EMX1: variants seen among roughly 807,000 people sequenced by gnomAD.
The protein encoded by EMX1 is empty spiracles homeobox 1.
A neutral mutation model predicts 20.1 loss-of-function variants in EMX1; 10 were observed. The ratio of observed to expected loss-of-function variants is 0.50; its 90% confidence interval spans 0.31 to 0.84. EMX1 has a LOEUF of 0.84. Among genes scored for constraint, EMX1 ranks in the 40% least tolerant of loss-of-function variants. The probability of loss-of-function intolerance (pLI) is 0.05; values close to 1 mark genes in which losing one functional copy is unlikely to be tolerated. For missense variants in EMX1, 424 were observed against 431.9 expected (o/e 0.98, Z 0.16); for synonymous variants, 250 against 200.4 (o/e 1.25, Z -2.09).
chr2:72,916,490 G>A, upstream of EMX1: 2 of 593,844 alleles, frequency 3.4e-6, no homozygotes, highest in East Asian at 2.8e-5. Flanking sequence ...GGCCTCGAAG[G>A]TGGGGTGGGA....
chr2:72,928,099 T>C (rs1293850707), intron 2 of EMX1, among the ~76,000 whole-genome samples: 1 of 152,208 alleles, frequency 6.6e-6, no homozygotes, highest in African/African-American at 2.4e-5. Context: ...TGGGTGACTC[T>C]GTGTGTTTAG....
Position 72,924,150 on chromosome 2 carries a change from G to T in EMX1, c.521-159G>T, listed in dbSNP as rs192579903. The T allele has an allele frequency of 1.2e-3, 1,118 of 916,742 alleles. 7 individuals carry two copies. The highest frequency in any genetic ancestry group is 7.4e-3 in the African/African-American group (456 of 61,274). 56.8% of individuals were successfully genotyped at this position (916,742 alleles called of 1,614,324 possible). ...TGGACTTAGGGAAGGGGCGGCAAAA[G>T]GGCAAAGGGAGAAATGGCGTGTGTG... On this transcript the variant is annotated intron_variant, in intron 1 of 2. Coordinates refer to ENST00000258106, the MANE Select transcript of EMX1 (RefSeq NM_004097.3).
upstream of EMX1, chr2:72,916,772 C>A (rs1670971325): frequency 2.8e-6 from 2 of 717,282 alleles, no homozygotes; most frequent in Non-Finnish European, 5.2e-6. Flanking sequence ...CTTGAGCCCC[C>A]AGAGCCTCAG....
chr2:72,934,181 G>A lies in EMX1; in HGVS notation c.*227G>A. Reference sequence around the variant, plus strand: ...TTCTCCTCGGAGAGCCTGCCTGCCTGGGCGGGCCCGCCCGCCACCGCAGCC... The same window carrying A: ...TTCTCCTCGGAGAGCCTGCCTGCCTAGGCGGGCCCGCCCGCCACCGCAGCC... On this transcript the variant is annotated 3_prime_UTR_variant, in exon 3 of 3. Coordinates refer to ENST00000258106, the MANE Select transcript of EMX1 (RefSeq NM_004097.3). The A allele has an allele frequency of 1.7e-6, 1 of 580,536 alleles. No individual in the cohort carries two copies. Among genetic ancestry groups the A allele is most frequent in the Non-Finnish European group, 2.9e-6 (1 of 344,818 alleles). The allele number at this position is 580,536 out of a possible 1,614,324, so 36.0% of individuals were successfully genotyped here.
chr2:72,921,410 C>T (rs1472546695), intron 1 of EMX1, among the ~76,000 whole-genome samples: 2 of 152,148 alleles, frequency 1.3e-5, no homozygotes, highest in African/African-American at 4.8e-5. Flanking sequence ...TTTGTTCTGC[C>T]CTTGTGGTCC....
chr2:72,924,880 C>T (rs979955096), intron 2 of EMX1, among the ~76,000 whole-genome samples: 5 of 152,142 alleles, frequency 3.3e-5, no homozygotes, highest in African/African-American at 1.2e-4. Context: ...TCCTGCAGCC[C>T]TTTTCCCGCC....
At position 72,924,220 on chromosome 2, in the gene EMX1, G is replaced by A. The variant is rs370734815; in HGVS notation, c.521-89G>A. On this transcript the variant is annotated intron_variant, in intron 1 of 2. Transcript: ENST00000258106. ...AGGGCAGGGCGCTTGGGAGCAGGGCGCGAGGCCAGGCTCTGTTGGGCCCCG... is the reference window on the plus strand; with the variant it reads ...AGGGCAGGGCGCTTGGGAGCAGGGCACGAGGCCAGGCTCTGTTGGGCCCCG... 4,131 of 1,482,862 alleles carry A rather than the reference G, an allele frequency of 2.8e-3. 17 individuals carry two copies. Among genetic ancestry groups the A allele is most frequent in the South Asian group, 5.1e-3 (427 of 82,932 alleles). The allele number at this position is 1,482,862 out of a possible 1,614,324, so 91.9% of individuals were successfully genotyped here.
At chr2:72,916,782 G>A (rs2105258267), upstream of EMX1, 4 of 717,372 alleles carry the variant, frequency 5.6e-6, no homozygotes, top group East Asian at 5.4e-5. Context: ...CAGAGCCTCA[G>A]AGAAGGCGAG....
chr2:72,918,120 G>A lies in EMX1; in HGVS notation c.268G>A (p.Ala90Thr), dbSNP rs1478719136. ...GGCGCTCAACTACCCTCACCCCAGCGCGGCCGAGGCGGCCTTCGTGAGTGG... is the reference window on the plus strand; with the variant it reads ...GGCGCTCAACTACCCTCACCCCAGCACGGCCGAGGCGGCCTTCGTGAGTGG... ...PTALNYPHPSAAEAAFVSGFP... is the reference protein window; with the variant it reads ...PTALNYPHPSTAEAAFVSGFP... The change falls in exon 1 of 3, where the codon GCG (alanine) becomes ACG (threonine). Residue 90 changes from alanine to threonine, a missense_variant. Coordinates refer to ENST00000258106, the MANE Select transcript of EMX1 (RefSeq NM_004097.3). The A allele has an allele frequency of 1.4e-6, 2 of 1,480,144 alleles. No individual in the cohort carries two copies. The highest frequency in any genetic ancestry group is 1.8e-6 in the Non-Finnish European group (2 of 1,126,530). 91.7% of individuals were successfully genotyped at this position (1,480,144 alleles called of 1,614,324 possible). A position where few individuals can be genotyped will look rare whatever the true frequency, so the allele number is the denominator to read the frequency against.
upstream of EMX1, chr2:72,917,350 G>A: frequency 2.7e-6 from 1 of 365,118 alleles, no homozygotes; most frequent in Non-Finnish European, 4.9e-6. Context: ...AGAAGCCAGT[G>A]GCGAGGGGAG....
Position 72,917,826 on chromosome 2 carries a change from G to A in EMX1, c.-27G>A. The A allele has an allele frequency of 7.7e-7, 1 of 1,304,290 alleles. No individual in the cohort carries two copies. Among genetic ancestry groups the A allele is most frequent in the Non-Finnish European group, 9.7e-7 (1 of 1,030,954 alleles). The allele number at this position is 1,304,290 out of a possible 1,614,324, so 80.8% of individuals were successfully genotyped here. ...GGCCGAGCGCGAGCGGGCGGGCGGG[G>A]GAGGTGAGGGGTGCGGGCGGGTGTG... On this transcript the variant is annotated 5_prime_UTR_variant, in exon 1 of 3. Coordinates refer to ENST00000258106, the MANE Select transcript of EMX1 (RefSeq NM_004097.3).
chr2:72,933,994 G>GTC lies in EMX1; in HGVS notation c.*40_*41insTC, dbSNP rs757014963. ...AACCCACGAGGGCAGAGTGCTGCTT[G>GTC]CTGCTGGCCAGGCCCCTGCGTGGGC... is the stretch of plus-strand genomic sequence containing the variant. On this transcript the variant is annotated 3_prime_UTR_variant, in exon 3 of 3. Coordinates refer to ENST00000258106, the MANE Select transcript of EMX1 (RefSeq NM_004097.3). 4.3e-6 allele frequency: 7 copies of GTC among 1,611,970 alleles called. No individual in the cohort carries two copies. The highest frequency in any genetic ancestry group is 4.5e-5 in the East Asian group (2 of 44,830).
intron 1 of EMX1, among the ~76,000 whole-genome samples, chr2:72,920,514 C>A (rs1234260276): frequency 1.3e-5 from 2 of 152,206 alleles, no homozygotes; most frequent in Non-Finnish European, 2.9e-5. Context: ...CCCTCCAGTC[C>A]CGGCCAGGCC....
At chr2:72,922,151 C>G (rs1183294510) in intron 1 of EMX1, among the ~76,000 whole-genome samples, 1 of 152,234 alleles carries the variant, frequency 6.6e-6, no homozygotes, top group Admixed American at 6.5e-5. Context: ...CTGGGATGAG[C>G]TAGGCTTTCT....
Position 72,924,467 on chromosome 2 carries a change from G to A in EMX1, c.679G>A (p.Gly227Ser). The A allele has an allele frequency of 1.3e-6, 2 of 1,594,788 alleles. No individual in the cohort carries two copies. The highest frequency in any genetic ancestry group is 1.1e-5 in the South Asian group (1 of 89,366). ...GGGCGCCGAGCGGAAGCAGCTGGCC[G>A]GCAGTCTCAGCCTCTCCGAGACGCA... ...VVGAERKQLA[G>S]SLSLSETQVK... The change falls in exon 2 of 3, where the codon GGC (glycine) becomes AGC (serine). Residue 227 changes from glycine to serine, a missense_variant. Gly to Ser is a moderately conservative substitution (Grantham distance 56). Around this residue, in one of 2 missense-constraint regions of EMX1, gnomAD observed 91 missense variants for 135.2 expected, o/e 0.67. Transcript: ENST00000258106.
Position 72,917,717 on chromosome 2 carries a change from C to T in EMX1, c.-136C>T. 1 of 855,560 alleles carries T rather than the reference C, an allele frequency of 1.2e-6. No individual in the cohort carries two copies. Among genetic ancestry groups the T allele is most frequent in the Non-Finnish European group, 1.5e-6 (1 of 663,932 alleles). 53.0% of individuals were successfully genotyped at this position (855,560 alleles called of 1,614,324 possible). A position where few individuals can be genotyped will look rare whatever the true frequency, so the allele number is the denominator to read the frequency against. On this transcript the variant is annotated 5_prime_UTR_variant, in exon 1 of 3. Transcript: ENST00000258106. ...CTGCCCGCTCCGCCGCAGCAGCCGC[C>T]GCGCCTGGCCGTACGCTGTGGCCGG...
At chr2:72,919,055 G>T (rs998441115) in intron 1 of EMX1, among the ~76,000 whole-genome samples, 4 of 152,206 alleles carry the variant, frequency 2.6e-5, no homozygotes, top group Non-Finnish European at 5.9e-5. Context: ...CCCGGCTGCT[G>T]GAATACCGAG....
intron 2 of EMX1, chr2:72,925,506 C>G: frequency 7.8e-7 from 1 of 1,288,656 alleles, no homozygotes; most frequent in South Asian, 1.2e-5. Flanking sequence ...GGATTTCAGT[C>G]TCTGCGTGCC....
intron 2 of EMX1, chr2:72,925,672 G>T (rs1573898382): frequency 1.7e-6 from 2 of 1,169,602 alleles, no homozygotes; most frequent in East Asian, 6.7e-5. Flanking sequence ...CCCGGCATGG[G>T]GGGCAGCCGG....
Sources: gnomAD v4.1 joint callset for allele counts (sites outside exome capture counted in the v4.1 genomes callset) on GRCh38, gnomAD v4.1.1 for gene constraint, gnomAD v4.1.1 regional missense constraint, MANE v1.5 for transcripts, NCBI Gene and HGNC (gene_info 2026-07-23, HGNC 2026-07-21) for gene names.